Variants in CACNA2D3 observed in about 807,000 individuals in gnomAD.
The protein encoded by CACNA2D3 is voltage-dependent calcium channel subunit alpha-2/delta-3.
Under a neutral mutation model 160.6 loss-of-function variants are expected in CACNA2D3, and 60 were observed. The ratio of observed to expected loss-of-function variants is 0.37; its 90% confidence interval spans 0.30 to 0.46. The LOEUF (loss-of-function observed/expected upper bound fraction) is 0.46. Among genes scored for constraint, CACNA2D3 ranks in the 20% least tolerant of loss-of-function variants. The pLI is 1.00. For missense variants in CACNA2D3, 1,205 were observed against 1,365.0 expected (o/e 0.88, Z 1.85); for synonymous variants, 558 against 492.9 (o/e 1.13, Z -1.75).
At chr3:54,257,169 C>G (rs539545289) in intron 2 of CACNA2D3, among the ~76,000 whole-genome samples, 8 of 152,312 alleles carry the variant, frequency 5.3e-5, no homozygotes, top group African/African-American at 1.9e-4. Flanking sequence ...TGATTCCAAT[C>G]TGAAGCAGCC....
At chr3:54,530,496 T>C (rs1701789755) in intron 5 of CACNA2D3, among the ~76,000 whole-genome samples, 1 of 152,200 alleles carries the variant, frequency 6.6e-6, no homozygotes, top group Admixed American at 6.5e-5. Context: ...GGGAAATGTT[T>C]CCTTCATTTC....
chr3:54,147,723 T>C (rs1700062467), intron 2 of CACNA2D3, among the ~76,000 whole-genome samples: 1 of 152,262 alleles, frequency 6.6e-6, no homozygotes, highest in African/African-American at 2.4e-5. Context: ...TATTACTGTT[T>C]GCTTTTATTG....
intron 27 of CACNA2D3, among the ~76,000 whole-genome samples, chr3:54,915,548 G>A (rs564737303): frequency 5.9e-5 from 9 of 152,270 alleles, no homozygotes; most frequent in African/African-American, 2.2e-4. Context: ...AATCTATGAG[G>A]CGTTTGCAAA....
chr3:54,167,543 T>C lies in CACNA2D3; in HGVS notation c.204+43949T>C, dbSNP rs1048513161. Among the ~76,000 whole-genome samples the C allele has an allele frequency of 2.0e-5, 3 of 152,096 alleles. No homozygotes were observed. In the East Asian group the frequency reaches 5.8e-4, roughly 29 times the overall value. On this transcript the variant is annotated intron_variant, in intron 2 of 37. Coordinates refer to ENST00000474759, the MANE Select transcript of CACNA2D3 (RefSeq NM_018398.3). ...CAGCTCCCGTGGAGTCTTGGTGAGG[T>C]CAAGGAGAACCACATTTGGATTTTT...
chr3:54,446,824 C>A (rs1575459565), intron 4 of CACNA2D3, among the ~76,000 whole-genome samples: 1 of 152,110 alleles, frequency 6.6e-6, no homozygotes, highest in South Asian at 2.1e-4. Context: ...CCCTCCCTCC[C>A]CACTGAATTC....
At chr3:54,584,884 A>G (rs1702733918) in intron 9 of CACNA2D3, among the ~76,000 whole-genome samples, 1 of 152,218 alleles carries the variant, frequency 6.6e-6, no homozygotes, top group African/African-American at 2.4e-5. Context: ...AAATACTGAA[A>G]GAAAAGAACT....
intron 30 of CACNA2D3, among the ~76,000 whole-genome samples, chr3:54,986,089 G>A (rs1702606435): frequency 2.0e-5 from 3 of 152,300 alleles, no homozygotes; most frequent in Middle Eastern, 3.4e-3. Flanking sequence ...ATACACATTA[G>A]TTGCCTAGAG....
intron 4 of CACNA2D3, among the ~76,000 whole-genome samples, chr3:54,460,508 A>T (rs539310575): frequency 2.8e-3 from 424 of 152,138 alleles, no homozygotes; most frequent in Non-Finnish European, 5.0e-3. Flanking sequence ...CTAAGTTGGA[A>T]TCCTAGGTAT....
At chr3:54,550,518 T>C (rs1372177396) in intron 5 of CACNA2D3, among the ~76,000 whole-genome samples, 2 of 152,240 alleles carry the variant, frequency 1.3e-5, no homozygotes, top group Non-Finnish European at 2.9e-5. Context: ...GTTTCCACTC[T>C]TTCATGCTGC....
At chr3:54,543,883 T>C (rs956184968) in intron 5 of CACNA2D3, among the ~76,000 whole-genome samples, 1 of 152,240 alleles carries the variant, frequency 6.6e-6, no homozygotes, top group Non-Finnish European at 1.5e-5. Context: ...TTTTTGCTAA[T>C]AGTTTTGGAG....
intron 2 of CACNA2D3, among the ~76,000 whole-genome samples, chr3:54,240,434 G>A (rs1701954727): frequency 6.6e-6 from 1 of 152,168 alleles, no homozygotes; most frequent in Admixed American, 6.5e-5. Context: ...AAAACCCTCT[G>A]CTGCTTCAGC....
At chr3:54,778,497 C>T (rs900385091) in intron 13 of CACNA2D3, among the ~76,000 whole-genome samples, 3 of 152,144 alleles carry the variant, frequency 2.0e-5, no homozygotes, top group East Asian at 1.9e-4. Context: ...ATCATCTCCT[C>T]TGACCTCCTT....
At chr3:54,735,443 A>G (rs1701477298) in intron 11 of CACNA2D3, among the ~76,000 whole-genome samples, 1 of 152,202 alleles carries the variant, frequency 6.6e-6, no homozygotes, top group South Asian at 2.1e-4. Context: ...CCTTGGAAAT[A>G]AGCTTTGCAC....
At chr3:54,127,133 G>A (rs183328746) in intron 2 of CACNA2D3, among the ~76,000 whole-genome samples, 72 of 152,288 alleles carry the variant, frequency 4.7e-4, no homozygotes, top group African/African-American at 1.6e-3. Context: ...TGCATTCGGG[G>A]AACCAATGTT....
At chr3:54,937,910 T>C (rs969074017) in intron 27 of CACNA2D3, among the ~76,000 whole-genome samples, 4 of 152,096 alleles carry the variant, frequency 2.6e-5, no homozygotes, top group African/African-American at 9.7e-5. Flanking sequence ...CCCGACCTCA[T>C]CTCCCGGTCA....
chr3:54,386,694 G>GTTTTTTTTTTTTTTTTTTTTTTTTTTT, intron 3 of CACNA2D3, 21 bp from the exon 4 acceptor site: 1 of 1,407,598 alleles, frequency 7.1e-7, no homozygotes, highest in East Asian at 2.5e-5. Context: ...GCTGTCTTCT[G>GTTTTTTTTTTTTTTTTTTTTTTTTTTT]TTTTTTTTTT....
At chr3:54,156,374 C>A (rs1700244182) in intron 2 of CACNA2D3, among the ~76,000 whole-genome samples, 1 of 152,180 alleles carries the variant, frequency 6.6e-6, no homozygotes, top group South Asian at 2.1e-4. Flanking sequence ...GGCCTTCATA[C>A]ACTAATGCCG....
rs149866518 is a variant in CACNA2D3, at chr3:54,504,610, A to G, written c.544+956A>G. ...TAAACAAAGAACTATCCTCCTAGAA[A>G]AATAAGCCAGAAAGTCATGGAATCT... On this transcript the variant is annotated intron_variant, in intron 5 of 37. Coordinates refer to ENST00000474759, the MANE Select transcript of CACNA2D3 (RefSeq NM_018398.3). Among the ~76,000 whole-genome samples, 87 of 152,328 alleles carry G rather than the reference A, an allele frequency of 5.7e-4. 1 individual carries two copies. Among genetic ancestry groups the G allele is most frequent in the African/African-American group, 2.0e-3 (84 of 41,574 alleles).
Position 54,885,293 on chromosome 3 carries a change from T to C in CACNA2D3, c.1925T>C (p.Leu642Ser). Residue 642 changes from leucine to serine, a missense_variant, in exon 22 of 38, where the codon TTA becomes TCA. Leu to Ser is a moderately radical substitution (Grantham distance 145). This residue lies in a region of CACNA2D3 where 911 missense variants were observed against 1,002.2 expected (regional missense o/e 0.91). Transcript: ENST00000474759. ...CCTTGACCCCCAGGCCTGCATGACT[T>C]AGAACATCCCGATGTGTCCTTGGCA... ...NVTIEEGLHD[L>S]EHPDVSLADE... 1 of 1,613,914 alleles carries C rather than the reference T, an allele frequency of 6.2e-7. No homozygotes were observed. Among genetic ancestry groups the C allele is most frequent in the Non-Finnish European group, 8.5e-7 (1 of 1,179,842 alleles).
Sources: gnomAD v4.1 joint callset for allele counts (sites outside exome capture counted in the v4.1 genomes callset) on GRCh38, gnomAD v4.1.1 for gene constraint, gnomAD v4.1.1 regional missense constraint, MANE v1.5 for transcripts, NCBI Gene and HGNC (gene_info 2026-07-23, HGNC 2026-07-21) for gene names.